Variants in TANC2 observed in about 807,000 individuals in gnomAD.
TANC2 encodes protein TANC2.
Under a neutral mutation model 210.5 loss-of-function variants are expected in TANC2, and 26 were observed. The ratio of observed to expected loss-of-function variants is 0.12; its 90% CI spans 0.09 to 0.17. The LOEUF (loss-of-function observed/expected upper bound fraction) is 0.17. Among genes scored for constraint, TANC2 ranks in the 10% least tolerant of loss-of-function variants. The probability of loss-of-function intolerance (pLI) is 1.00; values close to 1 mark genes in which losing one functional copy is unlikely to be tolerated. For synonymous variants in TANC2, 931 were observed against 967.1 expected (o/e 0.96, Z 0.69); for missense variants, 2,129 against 2,608.9 (o/e 0.82, Z 4.01).
At chr17:63,126,214 T>C (rs979428420) in intron 4 of TANC2, among the ~76,000 whole-genome samples, 2 of 152,208 alleles carry the variant, frequency 1.3e-5, no homozygotes. Context: ...CCTCAGTCTT[T>C]AGCACAATGC....
intron 11 of TANC2, among the ~76,000 whole-genome samples, chr17:63,328,415 G>A (rs535827215): frequency 6.6e-6 from 1 of 150,884 alleles, no homozygotes; most frequent in African/African-American, 2.5e-5. Context: ...TGTATTCATT[G>A]TGTGTGTGTG....
At chr17:63,260,155 T>C (rs944147044) in intron 8 of TANC2, among the ~76,000 whole-genome samples, 2 of 152,204 alleles carry the variant, frequency 1.3e-5, no homozygotes, top group Non-Finnish European at 2.9e-5. Context: ...GAGGCACTCA[T>C]TGTACTGAGA....
chr17:63,302,228 TG>T (rs2044742545), intron 9 of TANC2, among the ~76,000 whole-genome samples: 1 of 152,240 alleles, frequency 6.6e-6, no homozygotes. Context: ...AAGTGCCATG[TG>T]GCACTGAGAA....
intron 1 of TANC2, among the ~76,000 whole-genome samples, chr17:62,973,308 G>A (rs1418430505): frequency 2.6e-5 from 4 of 152,208 alleles, no homozygotes; most frequent in African/African-American, 4.8e-5. Context: ...CTGGGATTAC[G>A]GGCATGAGCC....
chr17:63,272,891 T>G (rs1304959511), intron 9 of TANC2, among the ~76,000 whole-genome samples: 1 of 152,158 alleles, frequency 6.6e-6, no homozygotes, highest in African/African-American at 2.4e-5. Context: ...TGACAAGCCA[T>G]GCATTGATTG....
intron 19 of TANC2, among the ~76,000 whole-genome samples, chr17:63,404,158 C>G (rs993891502): frequency 2.0e-5 from 3 of 152,106 alleles, no homozygotes; most frequent in Non-Finnish European, 4.4e-5. Flanking sequence ...TGAAGTATAA[C>G]TCCTACATGT....
At chr17:63,008,769 A>C (rs2033735913) in intron 1 of TANC2, among the ~76,000 whole-genome samples, 1 of 138,696 alleles carries the variant, frequency 7.2e-6, no homozygotes, top group Non-Finnish European at 1.5e-5. Flanking sequence ...GCATAGCTGT[A>C]GTCTTGTGAG....
At chr17:63,322,461 G>A (rs1239739443) in intron 11 of TANC2, among the ~76,000 whole-genome samples, 2 of 152,134 alleles carry the variant, frequency 1.3e-5, no homozygotes, top group African/African-American at 4.8e-5. Flanking sequence ...TCGCACCACT[G>A]CACTCCAGCC....
chr17:63,379,903 G>T (rs1048512338), intron 15 of TANC2, 77 bp downstream of exon 15: 1 of 1,245,116 alleles, frequency 8.0e-7, no homozygotes, highest in Admixed American at 2.1e-5. Flanking sequence ...GACTATTTCA[G>T]TGTAGTCCCT....
chr17:63,158,236 A>G (rs1230269037), intron 5 of TANC2, among the ~76,000 whole-genome samples: 1 of 152,208 alleles, frequency 6.6e-6, no homozygotes, highest in East Asian at 1.9e-4. Flanking sequence ...TTCCTTGTCT[A>G]TAAAATGAAG....
At chr17:63,303,854 A>G (rs1251680506) in intron 9 of TANC2, among the ~76,000 whole-genome samples, 1 of 150,862 alleles carries the variant, frequency 6.6e-6, no homozygotes, top group East Asian at 2.0e-4. Flanking sequence ...TGGTCTGGAT[A>G]TCCTTTCTTC....
At chr17:63,395,674 G>A (rs572053585) in intron 17 of TANC2, 69 bp from the exon 18 acceptor site, 29 of 1,425,216 alleles carry the variant, frequency 2.0e-5, no homozygotes, top group South Asian at 2.5e-5. Context: ...GTGCAGTGGC[G>A]GATGTGACTA....
intron 3 of TANC2, among the ~76,000 whole-genome samples, chr17:63,098,015 T>C (rs1195156713): frequency 1.3e-5 from 2 of 152,200 alleles, no homozygotes; most frequent in African/African-American, 4.8e-5. Context: ...GTTTATTTTC[T>C]TAAACATATT....
At chr17:63,121,629 TATA>T (rs563188704) in intron 4 of TANC2, among the ~76,000 whole-genome samples, 218 of 152,292 alleles carry the variant, frequency 1.4e-3, no homozygotes, top group African/African-American at 5.1e-3. Context: ...ATTTTTATTT[TATA>T]ATAAAAATGT....
intron 8 of TANC2, among the ~76,000 whole-genome samples, chr17:63,250,394 T>G (rs1398920094): frequency 6.6e-6 from 1 of 152,076 alleles, no homozygotes; most frequent in Non-Finnish European, 1.5e-5. Context: ...ACCTAATATC[T>G]TCCCAATATA....
chr17:63,205,366 A>AAAAAAAC (rs2041673566), intron 7 of TANC2, among the ~76,000 whole-genome samples: 4 of 148,232 alleles, frequency 2.7e-5, no homozygotes, highest in East Asian at 1.9e-4. Context: ...AAAAAAAAAA[A>AAAAAAAC]AAAAAACCTC....
At chr17:63,146,568 T>C (rs1016496579) in intron 4 of TANC2, among the ~76,000 whole-genome samples, 5 of 152,220 alleles carry the variant, frequency 3.3e-5, no homozygotes, top group African/African-American at 4.8e-5. Flanking sequence ...TCATTTTACA[T>C]TTTCTTGATC....
intron 14 of TANC2, among the ~76,000 whole-genome samples, chr17:63,373,571 C>A (rs1180991146): frequency 5.3e-5 from 8 of 152,170 alleles, no homozygotes; most frequent in Non-Finnish European, 1.0e-4. Context: ...CCTAGGCATG[C>A]GAGCTGGGTC....
chr17:63,342,119 C>A (rs534360564), intron 12 of TANC2, among the ~76,000 whole-genome samples: 1 of 152,078 alleles, frequency 6.6e-6, no homozygotes, highest in Non-Finnish European at 1.5e-5. Flanking sequence ...TACCTGCCCC[C>A]CTCCAGTCAG....
Sources: allele counts gnomAD v4.1 joint callset (sites outside exome capture counted in the v4.1 genomes callset), GRCh38; gene constraint gnomAD v4.1.1; transcripts MANE v1.5; gene names NCBI Gene and HGNC (gene_info 2026-07-23, HGNC 2026-07-21).